Variants in CHRM3 observed in about 807,000 individuals in gnomAD.
The protein encoded by CHRM3 is muscarinic acetylcholine receptor M3.
A neutral mutation model predicts 41.8 loss-of-function variants in CHRM3; 11 were observed. That is an observed-to-expected ratio of 0.26 (90% confidence interval 0.17 to 0.44). The LOEUF (loss-of-function observed/expected upper bound fraction) is 0.44, where lower values mean the gene tolerates loss of function less well. Among genes scored for constraint, CHRM3 ranks in the 20% least tolerant of loss-of-function variants. The pLI, the probability that CHRM3 is intolerant of heterozygous loss-of-function variation, is 1.00. For synonymous variants in CHRM3, 297 were observed against 301.4 expected, an observed-to-expected ratio of 0.99 and a Z score of 0.15; for missense variants, 571 against 745.4, an observed-to-expected ratio of 0.77 and a Z score of 2.72.
intron 5 of CHRM3, among the ~76,000 whole-genome samples, chr1:239,793,238 T>C (rs1669492312): frequency 6.6e-6 from 1 of 152,248 alleles, no homozygotes; most frequent in South Asian, 2.1e-4. Flanking sequence ...TTCAGGATTT[T>C]TCATTTAATG....
At chr1:239,705,746 C>T (rs550631331) in intron 5 of CHRM3, 26 of 152,056 alleles carry the variant, frequency 1.7e-4, no homozygotes, top group African/African-American at 6.3e-4. Context: ...GAGAAAATGA[C>T]GTTTAGGCTG....
chr1:239,678,776 A>G (rs1658251802), intron 5 of CHRM3, among the ~76,000 whole-genome samples: 1 of 152,224 alleles, frequency 6.6e-6, no homozygotes, highest in Admixed American at 6.5e-5. Context: ...ATAGAATTAG[A>G]TCAATTAATT....
At chr1:239,428,034 T>C (rs1035135532) in intron 1 of CHRM3, among the ~76,000 whole-genome samples, 6 of 152,098 alleles carry the variant, frequency 3.9e-5, no homozygotes, top group Admixed American at 2.6e-4. Context: ...AACAGGAAGA[T>C]AGGGGTAGAA....
At chr1:239,815,855 C>G (rs2149011923) in intron 5 of CHRM3, among the ~76,000 whole-genome samples, 1 of 152,284 alleles carries the variant, frequency 6.6e-6, no homozygotes, top group East Asian at 1.9e-4. Context: ...AAACTGCACT[C>G]TTAATTAACT....
At chr1:239,437,332 A>T (rs558163215) in intron 1 of CHRM3, among the ~76,000 whole-genome samples, 2 of 152,148 alleles carry the variant, frequency 1.3e-5, no homozygotes, top group African/African-American at 4.8e-5. Flanking sequence ...GTTGGTTTCA[A>T]ACTCCTGTCT....
At chr1:239,551,069 A>C (rs1025191563) in intron 3 of CHRM3, among the ~76,000 whole-genome samples, 1 of 151,092 alleles carries the variant, frequency 6.6e-6, no homozygotes. Flanking sequence ...TTATATATAT[A>C]CTTCATATGA....
In CHRM3 at chr1:239,643,006, C is replaced by T. The variant is rs1006415032; in HGVS notation, c.-250+10720C>T. On this transcript the variant is annotated intron_variant, in intron 4 of 6. Transcript: ENST00000676153. ...ACAGACAGGACCCTCAGCTGCAGGTCTGTTGGAGTTTGCTAGAGGTCCACT... is the reference window on the plus strand; with the variant it reads ...ACAGACAGGACCCTCAGCTGCAGGTTTGTTGGAGTTTGCTAGAGGTCCACT... 2.0e-5 allele frequency among the ~76,000 whole-genome samples: 3 copies of T among 152,218 alleles called. No individual in the cohort carries two copies. In the East Asian group the frequency reaches 5.8e-4, roughly 29 times the overall value.
intron 2 of CHRM3, among the ~76,000 whole-genome samples, chr1:239,516,955 C>T (rs945061057): frequency 5.3e-5 from 8 of 151,976 alleles, no homozygotes; most frequent in Non-Finnish European, 1.0e-4. Flanking sequence ...CTCCCATCAC[C>T]CTAAGATGTG....
At chr1:239,532,009 C>CTTTTTTTTTTTTTT (rs34798101) in intron 2 of CHRM3, among the ~76,000 whole-genome samples, 4 of 76,292 alleles carry the variant, frequency 5.2e-5, no homozygotes, top group Non-Finnish European at 9.3e-5. Flanking sequence ...TTCCTTCTTT[C>CTTTTTTTTTTTTTT]TTTTTTTTTT....
chr1:239,788,113 G>A (rs781572870), intron 5 of CHRM3, among the ~76,000 whole-genome samples: 10 of 152,008 alleles, frequency 6.6e-5, no homozygotes, highest in Admixed American at 5.9e-4. Context: ...GCATGCATCT[G>A]TAGTACTAGC....
At chr1:239,520,674 C>G (rs1234102582) in intron 2 of CHRM3, among the ~76,000 whole-genome samples, 1 of 152,148 alleles carries the variant, frequency 6.6e-6, no homozygotes, top group Non-Finnish European at 1.5e-5. Context: ...CAGCCCAATA[C>G]AAACAGGTAT....
chr1:239,509,882 G>A (rs937921824), intron 2 of CHRM3, among the ~76,000 whole-genome samples: 1 of 152,270 alleles, frequency 6.6e-6, no homozygotes, highest in African/African-American at 2.4e-5. Context: ...GAGGTCAGGA[G>A]TTCGAGACCA....
At chr1:239,802,722 C>T (rs1164352289) in intron 5 of CHRM3, among the ~76,000 whole-genome samples, 3 of 152,114 alleles carry the variant, frequency 2.0e-5, no homozygotes, top group Non-Finnish European at 2.9e-5. Flanking sequence ...CTCAGCCTCC[C>T]GTGTAGCTGG....
intron 1 of CHRM3, among the ~76,000 whole-genome samples, chr1:239,486,832 C>T (rs1349642811): frequency 1.3e-5 from 2 of 152,274 alleles, no homozygotes; most frequent in Admixed American, 6.5e-5. Context: ...TCTACTGCTG[C>T]GTACGGTAAT....
At chr1:239,542,253 G>A (rs944133379) in intron 2 of CHRM3, among the ~76,000 whole-genome samples, 2 of 152,058 alleles carry the variant, frequency 1.3e-5, no homozygotes, top group African/African-American at 4.8e-5. Context: ...TTGTACCTGA[G>A]GAACTAGGGA....
chr1:239,834,809 C>G (rs1405544383), intron 6 of CHRM3, among the ~76,000 whole-genome samples: 1 of 152,140 alleles, frequency 6.6e-6, no homozygotes, highest in African/African-American at 2.4e-5. Context: ...TTCTACCCCA[C>G]GATCTAGTAC....
intron 1 of CHRM3, among the ~76,000 whole-genome samples, chr1:239,424,064 A>G (rs1662171831): frequency 6.6e-6 from 1 of 151,716 alleles, no homozygotes; most frequent in East Asian, 1.9e-4. Flanking sequence ...CAAAAAAAAA[A>G]AAAAAAAGAA....
chr1:239,881,208 G>A (rs1224207102), intron 6 of CHRM3, among the ~76,000 whole-genome samples: 5 of 149,396 alleles, frequency 3.3e-5, no homozygotes, highest in South Asian at 2.1e-4. Context: ...GCGTGAACCC[G>A]GGAGGCGGAG....
chr1:239,642,764 C>T (rs917542226), intron 4 of CHRM3, among the ~76,000 whole-genome samples: 3 of 152,210 alleles, frequency 2.0e-5, no homozygotes, highest in African/African-American at 4.8e-5. Context: ...CTTCTCTCAA[C>T]TCGTCAAAGT....
Sources: allele counts gnomAD v4.1 joint callset (sites outside exome capture counted in the v4.1 genomes callset), GRCh38; gene constraint gnomAD v4.1.1; transcripts MANE v1.5; gene names NCBI Gene and HGNC (gene_info 2026-07-23, HGNC 2026-07-21).